Variants in TASP1 observed in about 807,000 individuals in gnomAD.
TASP1 encodes taspase 1.
A neutral mutation model predicts 56.6 loss-of-function variants in TASP1; 16 were observed. The observed-to-expected ratio is 0.28, with a 90% CI of 0.19 to 0.43. TASP1 has a LOEUF of 0.43. Among genes scored for constraint, TASP1 ranks in the 20% least tolerant of loss-of-function variants. TASP1 has a pLI of 1.00. For missense variants in TASP1, 393 were observed against 511.6 expected (o/e 0.77, Z 2.24); for synonymous variants, 179 against 184.2 (o/e 0.97, Z 0.23).
At chr20:13,548,920 C>A (rs1040715019) in intron 8 of TASP1, among the ~76,000 whole-genome samples, 1 of 151,946 alleles carries the variant, frequency 6.6e-6, no homozygotes, top group African/African-American at 2.4e-5. Context: ...TTTTAAAAGT[C>A]CCCAGATGAA....
chr20:13,498,065 A>G (rs1345741133), intron 10 of TASP1, among the ~76,000 whole-genome samples: 5 of 152,150 alleles, frequency 3.3e-5, no homozygotes, highest in Non-Finnish European at 7.4e-5. Flanking sequence ...GGCAAAGAAT[A>G]TATGACTAAG....
the TASP1 span, among the ~76,000 whole-genome samples, chr20:13,188,029 T>C: frequency 6.6e-6 from 1 of 152,160 alleles, no homozygotes; most frequent in East Asian, 1.9e-4. Flanking sequence ...TAAAAGAGGC[T>C]TCCCTCAGGT....
the TASP1 span, among the ~76,000 whole-genome samples, chr20:13,109,415 C>G: frequency 6.6e-6 from 1 of 152,176 alleles, no homozygotes; most frequent in East Asian, 1.9e-4. Flanking sequence ...GTTTACTCAA[C>G]TCCTCTGTGT....
In TASP1 at chr20:13,390,417, T is replaced by C; in HGVS notation, c.1206A>G (p.Ala402=). 1 of 1,613,964 alleles carries C rather than the reference T, an allele frequency of 6.2e-7. No individual in the cohort carries two copies. The highest frequency in any genetic ancestry group is 8.5e-7 in the Non-Finnish European group (1 of 1,179,926). Residue 402 remains alanine (A), a synonymous_variant, in exon 14 of 14, where the codon GCA becomes GCG. Transcript: ENST00000337743. The part of the protein sequence containing the change: ...HISRLPPGAV[A]GQSVAIEGGV... Reference sequence around the variant, plus strand: ...CACCTTCGATTGCCACAGACTGTCCTGCCACCGCACCAGGAGGAAGTCTTG... The same window carrying C: ...CACCTTCGATTGCCACAGACTGTCCCGCCACCGCACCAGGAGGAAGTCTTG...
At chr20:13,360,934 T>C in the TASP1 span, among the ~76,000 whole-genome samples, 1 of 152,072 alleles carries the variant, frequency 6.6e-6, no homozygotes, top group Non-Finnish European at 1.5e-5. Context: ...GATTTATTGA[T>C]GGCGGTTCCA....
intron 4 of TASP1, among the ~76,000 whole-genome samples, chr20:13,621,060 T>G (rs896394595): frequency 2.6e-5 from 4 of 152,242 alleles, no homozygotes; most frequent in African/African-American, 9.6e-5. Context: ...TTAACATATA[T>G]TTCATTCAAA....
At chr20:13,429,596 C>T (rs2042731924) in intron 12 of TASP1, among the ~76,000 whole-genome samples, 1 of 151,646 alleles carries the variant, frequency 6.6e-6, no homozygotes, top group Non-Finnish European at 1.5e-5. Flanking sequence ...AGGAAATTCA[C>T]CAGCACAGGG....
chr20:13,208,260 CTT>C, the TASP1 span, among the ~76,000 whole-genome samples: 1 of 152,160 alleles, frequency 6.6e-6, no homozygotes, highest in Non-Finnish European at 1.5e-5. Flanking sequence ...CTGGTGATAA[CTT>C]AATGATTTTA....
chr20:13,599,531 G>A (rs2047875100), intron 4 of TASP1, among the ~76,000 whole-genome samples: 1 of 152,196 alleles, frequency 6.6e-6, no homozygotes, highest in African/African-American at 2.4e-5. Context: ...CTGTCAGGCG[G>A]TGGGGGGCTG....
the TASP1 span, among the ~76,000 whole-genome samples, chr20:13,172,741 A>C: frequency 6.6e-6 from 1 of 152,202 alleles, no homozygotes; most frequent in Admixed American, 6.6e-5. Flanking sequence ...TAAATGAAAG[A>C]TTCAGAAAGT....
chr20:13,341,468 G>A, the TASP1 span, among the ~76,000 whole-genome samples: 1 of 151,978 alleles, frequency 6.6e-6, no homozygotes, highest in Non-Finnish European at 1.5e-5. Flanking sequence ...CCTCTTTTCC[G>A]TAACATGAGG....
At chr20:13,378,304 T>C in the TASP1 span, among the ~76,000 whole-genome samples, 3 of 152,338 alleles carry the variant, frequency 2.0e-5, no homozygotes, top group Admixed American at 1.3e-4. Context: ...AAAGAACTTA[T>C]TTATTACTGC....
the TASP1 span, among the ~76,000 whole-genome samples, chr20:13,273,026 G>A: frequency 1.2e-4 from 18 of 152,170 alleles, no homozygotes; most frequent in Admixed American, 5.9e-4. Context: ...CTAACGCAAA[G>A]TCATAGGAAA....
intron 10 of TASP1, among the ~76,000 whole-genome samples, chr20:13,518,746 T>C (rs372459071): frequency 6.6e-6 from 1 of 152,088 alleles, no homozygotes; most frequent in Non-Finnish European, 1.5e-5. Flanking sequence ...CTAAGGAATT[T>C]AGAGCAGGGT....
the TASP1 span, among the ~76,000 whole-genome samples, chr20:13,254,824 G>A: frequency 8.5e-5 from 13 of 152,328 alleles, no homozygotes; most frequent in East Asian, 1.9e-3. Context: ...CACATGGTTC[G>A]AGAGATGTAG....
the TASP1 span, among the ~76,000 whole-genome samples, chr20:13,163,675 T>C: frequency 5.3e-5 from 8 of 152,058 alleles, no homozygotes; most frequent in Non-Finnish European, 8.8e-5. Context: ...TTGGAGGAAA[T>C]CTTAATTAAT....
intron 11 of TASP1, among the ~76,000 whole-genome samples, chr20:13,448,496 T>C (rs2043495182): frequency 6.6e-6 from 1 of 152,126 alleles, no homozygotes; most frequent in East Asian, 1.9e-4. Flanking sequence ...GATTTTGCTT[T>C]AGGGTCAGAA....
the TASP1 span, among the ~76,000 whole-genome samples, chr20:13,129,147 A>G: frequency 5.9e-5 from 9 of 152,134 alleles, no homozygotes; most frequent in East Asian, 1.7e-3. Flanking sequence ...GATTACAGGC[A>G]CGAGCCACCA....
the TASP1 span, among the ~76,000 whole-genome samples, chr20:13,197,753 AT>A: frequency 2.6e-5 from 4 of 152,158 alleles, no homozygotes; most frequent in Non-Finnish European, 5.9e-5. Flanking sequence ...GATTTTTTAT[AT>A]TCAAGGAACA....
Sources: gnomAD v4.1 joint callset for allele counts (sites outside exome capture counted in the v4.1 genomes callset) on GRCh38, gnomAD v4.1.1 for gene constraint, MANE v1.5 for transcripts, NCBI Gene and HGNC (gene_info 2026-07-23, HGNC 2026-07-21) for gene names.